RBMS3: variants seen among roughly 807,000 people sequenced by gnomAD.
RBMS3 encodes the protein RNA binding motif single stranded interacting protein 3.
RBMS3 carries 27 observed loss-of-function variants against 66.8 expected under a neutral mutation model. The ratio of observed to expected loss-of-function variants is 0.40; its 90% CI spans 0.30 to 0.56. RBMS3 has a LOEUF of 0.56. Ranked by LOEUF, RBMS3 falls within the 20% of genes least tolerant of loss-of-function variation. The pLI, the probability that RBMS3 is intolerant of heterozygous loss-of-function variation, is 0.40. For synonymous variants in RBMS3, 188 were observed against 183.0 expected (o/e 1.03, Z -0.22); for missense variants, 513 against 549.5 (o/e 0.93, Z 0.66).
At chr3:29,731,079 G>T in intron 4 of RBMS3, 1 of 940,500 alleles carries the variant, frequency 1.1e-6, no homozygotes, top group Non-Finnish European at 1.3e-6. Context: ...TCAATTGAAG[G>T]CTCCTCAATT....
chr3:29,481,229 A>G (rs1300433493), intron 2 of RBMS3, among the ~76,000 whole-genome samples: 1 of 152,208 alleles, frequency 6.6e-6, no homozygotes, highest in Non-Finnish European at 1.5e-5. Flanking sequence ...TGCCAGCTAA[A>G]TGAAACACAG....
rs529678323 is a variant in RBMS3, at chr3:29,767,949, A to G, written c.637+4960A>G. Among the ~76,000 whole-genome samples, 5 of 152,106 alleles carry G rather than the reference A, an allele frequency of 3.3e-5. No homozygotes were observed. The East Asian group carries it at 9.7e-4, about 30-fold the overall frequency. On this transcript the variant is annotated intron_variant, in intron 6 of 14. Transcript: ENST00000383767. ...GCTGAGAAGAGGTAACAAATAAAAA[A>G]TGCTATGGTATATAGTTGGGCAAAA... is the stretch of plus-strand genomic sequence containing the variant.
At chr3:29,541,376 C>G (rs1348805608) in intron 3 of RBMS3, among the ~76,000 whole-genome samples, 1 of 152,154 alleles carries the variant, frequency 6.6e-6, no homozygotes, top group Non-Finnish European at 1.5e-5. Flanking sequence ...AAAGTCAACT[C>G]TGCTCTTCCA....
intron 4 of RBMS3, among the ~76,000 whole-genome samples, chr3:29,719,888 G>A (rs1198472055): frequency 6.6e-6 from 1 of 151,716 alleles, no homozygotes; most frequent in Non-Finnish European, 1.5e-5. Context: ...CACCTAATTG[G>A]AACTCGGCTC....
intron 6 of RBMS3, among the ~76,000 whole-genome samples, chr3:29,822,650 A>G (rs1211722665): frequency 6.6e-6 from 1 of 152,184 alleles, no homozygotes; most frequent in Admixed American, 6.6e-5. Flanking sequence ...ATATAGGGCC[A>G]AAAATTCAGA....
At chr3:29,343,141 TA>T (rs1377826728) in intron 1 of RBMS3, among the ~76,000 whole-genome samples, 7 of 152,136 alleles carry the variant, frequency 4.6e-5, no homozygotes, top group Admixed American at 3.9e-4. Flanking sequence ...TGTAGTAGTA[TA>T]AAAACAACCT....
chr3:29,566,921 T>C (rs922452039), intron 3 of RBMS3, among the ~76,000 whole-genome samples: 2 of 152,188 alleles, frequency 1.3e-5, no homozygotes, highest in Admixed American at 1.3e-4. Context: ...AATAAGTTGA[T>C]TAAAAAGTTA....
intron 7 of RBMS3, among the ~76,000 whole-genome samples, chr3:29,881,348 G>A (rs369036790): frequency 8.7e-4 from 132 of 152,174 alleles, no homozygotes; most frequent in African/African-American, 3.1e-3. Flanking sequence ...TAATATTTAT[G>A]TATGTGTCTT....
At chr3:29,406,916 A>G (rs558008795) in intron 1 of RBMS3, among the ~76,000 whole-genome samples, 1 of 152,168 alleles carries the variant, frequency 6.6e-6, no homozygotes, top group Non-Finnish European at 1.5e-5. Context: ...CATCACAGTC[A>G]CTTACCTATA....
In RBMS3 at chr3:29,440,676, G is replaced by A. The variant is rs184964053; in HGVS notation, c.248+5761G>A. ...GAACGAAATAGAAGTGTTTGCGCTG[G>A]AGAGCCGAAGGGTCTGCCCAAGCTA... is the stretch of plus-strand genomic sequence containing the variant. On this transcript the variant is annotated intron_variant, in intron 2 of 14. Transcript: ENST00000383767. Among the ~76,000 whole-genome samples, 4 of 152,328 alleles carry A rather than the reference G, an allele frequency of 2.6e-5. No homozygotes were observed. In the East Asian group the frequency reaches 7.7e-4, roughly 29 times the overall value.
chr3:29,998,254 T>C (rs371595878), intron 14 of RBMS3, among the ~76,000 whole-genome samples: 1 of 151,950 alleles, frequency 6.6e-6, no homozygotes, highest in Non-Finnish European at 1.5e-5. Flanking sequence ...CACTGCTCAA[T>C]GAAATAAAAG....
chr3:29,879,081 A>T (rs901100163), intron 7 of RBMS3, among the ~76,000 whole-genome samples: 4 of 151,544 alleles, frequency 2.6e-5, no homozygotes, highest in African/African-American at 9.8e-5. Context: ...AAAACAATGC[A>T]TGAAAGGCAA....
At chr3:29,654,930 T>C (rs1214048921) in intron 4 of RBMS3, among the ~76,000 whole-genome samples, 1 of 152,068 alleles carries the variant, frequency 6.6e-6, no homozygotes, top group East Asian at 1.9e-4. Flanking sequence ...AAGGCAGTAC[T>C]AGCCAAAGAA....
chr3:29,901,344 C>T (rs910589577), intron 10 of RBMS3, among the ~76,000 whole-genome samples: 2 of 151,774 alleles, frequency 1.3e-5, no homozygotes, highest in Non-Finnish European at 2.9e-5. Context: ...TGTGTTCATC[C>T]GTAAAGCACT....
chr3:29,746,228 G>A (rs1290254298), intron 5 of RBMS3, among the ~76,000 whole-genome samples: 1 of 152,092 alleles, frequency 6.6e-6, no homozygotes, highest in Non-Finnish European at 1.5e-5. Flanking sequence ...GGAATTGTTT[G>A]GAGTATTGTT....
At chr3:29,545,108 A>G (rs1412425298) in intron 3 of RBMS3, among the ~76,000 whole-genome samples, 1 of 152,154 alleles carries the variant, frequency 6.6e-6, no homozygotes, top group Non-Finnish European at 1.5e-5. Flanking sequence ...AAGCCTTTCA[A>G]TAAGAAATAA....
chr3:29,465,998 A>G (rs1269335221), intron 2 of RBMS3, among the ~76,000 whole-genome samples: 1 of 151,566 alleles, frequency 6.6e-6, no homozygotes, highest in Non-Finnish European at 1.5e-5. Flanking sequence ...CGATTTTTGG[A>G]TATGATTCAG....
intron 1 of RBMS3, among the ~76,000 whole-genome samples, chr3:29,351,628 A>AT (rs1380520456): frequency 1.3e-5 from 2 of 152,088 alleles, no homozygotes; most frequent in East Asian, 3.9e-4. Context: ...ATACATATGT[A>AT]TTTGATAAGG....
chr3:29,525,035 C>T (rs768842884), intron 3 of RBMS3, among the ~76,000 whole-genome samples: 36 of 151,958 alleles, frequency 2.4e-4, no homozygotes, highest in Non-Finnish European at 3.7e-4. Context: ...GTCTGGGCTG[C>T]GGAGTAAGAC....
Sources: gnomAD v4.1 joint callset for allele counts (sites outside exome capture counted in the v4.1 genomes callset) on GRCh38, gnomAD v4.1.1 for gene constraint, MANE v1.5 for transcripts, NCBI Gene and HGNC (gene_info 2026-07-23, HGNC 2026-07-21) for gene names.